Variants in SLCO2A1 observed in about 807,000 individuals in gnomAD.
SLCO2A1 encodes the protein solute carrier organic anion transporter family member 2A1.
A neutral mutation model predicts 71.7 loss-of-function variants in SLCO2A1; 60 were observed. That is an observed-to-expected ratio of 0.84 (90% CI 0.68 to 1.04). The LOEUF (loss-of-function observed/expected upper bound fraction) is 1.04, where lower values mean the gene tolerates loss of function less well. Ranked by LOEUF, SLCO2A1 falls within the 50% of genes least tolerant of loss-of-function variation. The probability of loss-of-function intolerance (pLI) is 0.00; values close to 1 mark genes in which losing one functional copy is unlikely to be tolerated. For synonymous variants in SLCO2A1, 308 were observed against 326.7 expected (o/e 0.94, Z 0.62); for missense variants, 745 against 813.4 (o/e 0.92, Z 1.02).
At chr3:133,953,877 T>C (rs1933815611) in intron 4 of SLCO2A1, 116 bp from the exon 5 acceptor site, 4 of 759,246 alleles carry the variant, frequency 5.3e-6, no homozygotes, top group African/African-American at 1.7e-5. Context: ...CCAAGCCTGA[T>C]AAGCCCACAC....
chr3:133,982,518 T>C (rs1334199497), intron 1 of SLCO2A1, among the ~76,000 whole-genome samples: 2 of 152,172 alleles, frequency 1.3e-5, no homozygotes, highest in African/African-American at 4.8e-5. Flanking sequence ...GGACTCATCA[T>C]CTTCCCCCAT....
intron 1 of SLCO2A1, among the ~76,000 whole-genome samples, chr3:134,008,546 T>C (rs1935269797): frequency 6.6e-6 from 1 of 152,174 alleles, no homozygotes; most frequent in Non-Finnish European, 1.5e-5. Flanking sequence ...CTCTACATCC[T>C]CCCAGGCAGA....
chr3:134,010,757 A>C (rs1380222352), intron 1 of SLCO2A1, among the ~76,000 whole-genome samples: 2 of 150,654 alleles, frequency 1.3e-5, no homozygotes, highest in East Asian at 3.9e-4. Flanking sequence ...TGTCCAAAAA[A>C]AAAAAAAAAA....
At chr3:134,024,534 G>C (rs575190113) in intron 1 of SLCO2A1, among the ~76,000 whole-genome samples, 2 of 152,214 alleles carry the variant, frequency 1.3e-5, no homozygotes, top group Admixed American at 6.5e-5. Flanking sequence ...CTATGTGTCA[G>C]AAAGAGAAAA....
chr3:133,971,111 G>A (rs1341771071), intron 3 of SLCO2A1, among the ~76,000 whole-genome samples: 2 of 152,262 alleles, frequency 1.3e-5, no homozygotes, highest in Admixed American at 6.5e-5. Flanking sequence ...GATGTGTGGC[G>A]CCTGGCAGGA....
chr3:133,953,065 C>T (rs1027642695), intron 5 of SLCO2A1, among the ~76,000 whole-genome samples: 3 of 151,706 alleles, frequency 2.0e-5, no homozygotes, highest in Non-Finnish European at 4.4e-5. Context: ...CAGACAGAGT[C>T]TCACTCTGTC....
intron 1 of SLCO2A1, among the ~76,000 whole-genome samples, chr3:134,025,881 G>C (rs1935692470): frequency 6.6e-6 from 1 of 152,180 alleles, no homozygotes; most frequent in Non-Finnish European, 1.5e-5. Context: ...TCCTAAGCCA[G>C]TGTTTCAAAC....
intron 13 of SLCO2A1, 141 bp downstream of exon 13, chr3:133,935,633 A>G (rs1360785001): frequency 2.1e-6 from 2 of 953,872 alleles, no homozygotes; most frequent in South Asian, 3.1e-5. Flanking sequence ...CTCCCTGTCC[A>G]TGGCAGGGCC....
chr3:133,947,177 C>T, intron 9 of SLCO2A1, 79 bp downstream of exon 9: 1 of 1,222,142 alleles, frequency 8.2e-7, no homozygotes, highest in Non-Finnish European at 1.1e-6. Context: ...GTTAAGGAAG[C>T]AGGAAGGAAG....
rs941512350 is a variant in SLCO2A1, at chr3:133,975,353, A to G, written c.235-1528T>C. Among the ~76,000 whole-genome samples the G allele has an allele frequency of 4.6e-5, 7 of 152,030 alleles. No homozygotes were observed. In the South Asian group the frequency reaches 8.3e-4, roughly 18 times the overall value. On this transcript the variant is annotated intron_variant, in intron 2 of 13. Transcript: ENST00000310926. Reference sequence around the variant, plus strand: ...TTGACTTCTCTCACACTCATATCTAATCGATCAGCAAATCCCCTTGGCAGG... The same window carrying G: ...TTGACTTCTCTCACACTCATATCTAGTCGATCAGCAAATCCCCTTGGCAGG...
intron 3 of SLCO2A1, among the ~76,000 whole-genome samples, chr3:133,971,333 T>C (rs1312013883): frequency 6.6e-6 from 1 of 152,230 alleles, no homozygotes; most frequent in Non-Finnish European, 1.5e-5. Context: ...GGGGAGAAAG[T>C]GTATGGCAGG....
intron 1 of SLCO2A1, among the ~76,000 whole-genome samples, chr3:133,981,366 G>A (rs896284833): frequency 2.6e-4 from 39 of 152,304 alleles, no homozygotes; most frequent in Admixed American, 8.5e-4. Flanking sequence ...GAACAATCTC[G>A]GTTTGTGTGT....
intron 1 of SLCO2A1, among the ~76,000 whole-genome samples, chr3:133,994,958 A>G (rs1004350603): frequency 2.0e-5 from 3 of 152,246 alleles, no homozygotes; most frequent in Non-Finnish European, 4.4e-5. Context: ...CTTCTGATCT[A>G]TTCTTTAACC....
In SLCO2A1 at chr3:133,945,254, TGA is replaced by T; in HGVS notation, c.1300_1301del (p.Ser434LysfsTer143). On this transcript the variant is annotated frameshift_variant, in exon 10 of 14. Transcript: ENST00000310926. LOFTEE classifies it high-confidence loss of function. ...TVAEVYPPST[S>X]SSIHPQSPAC... The stretch of plus-strand genomic sequence containing the variant: ...CAGGAGACTGCGGATGTATAGAACT[TGA>T]TGTGCTGCCAGCAAAAGAGGAAACG... 1 of 1,602,850 alleles carries T rather than the reference TGA, an allele frequency of 6.2e-7. No individual in the cohort carries two copies. The highest frequency in any genetic ancestry group is 8.5e-7 in the Non-Finnish European group (1 of 1,176,610).
chr3:134,017,276 C>T (rs1935474239), intron 1 of SLCO2A1, among the ~76,000 whole-genome samples: 1 of 152,194 alleles, frequency 6.6e-6, no homozygotes, highest in African/African-American at 2.4e-5. Context: ...TACACAGGAC[C>T]TGTAAGCACT....
intron 3 of SLCO2A1, among the ~76,000 whole-genome samples, chr3:133,956,480 C>A (rs1933901492): frequency 6.6e-6 from 1 of 152,242 alleles, no homozygotes; most frequent in Admixed American, 6.5e-5. Flanking sequence ...GTCAGGGAAG[C>A]CTGTCCCAGG....
At chr3:134,012,239 G>T (rs984160375) in intron 1 of SLCO2A1, among the ~76,000 whole-genome samples, 2 of 152,170 alleles carry the variant, frequency 1.3e-5, no homozygotes, top group Non-Finnish European at 2.9e-5. Context: ...CAGTTAGAGG[G>T]GCTTCTGGGA....
chr3:133,959,334 A>G (rs1326194847), intron 3 of SLCO2A1, among the ~76,000 whole-genome samples: 3 of 150,532 alleles, frequency 2.0e-5, no homozygotes, highest in East Asian at 1.9e-4. Flanking sequence ...CAACCGTAAT[A>G]TTGCTTTATC....
At chr3:134,007,680 C>A (rs1203586053) in intron 1 of SLCO2A1, among the ~76,000 whole-genome samples, 1 of 152,158 alleles carries the variant, frequency 6.6e-6, no homozygotes, top group Non-Finnish European at 1.5e-5. Context: ...TTCACCAAGG[C>A]ACCTAGCTTT....
Sources: allele counts gnomAD v4.1 joint callset (sites outside exome capture counted in the v4.1 genomes callset), GRCh38; gene constraint gnomAD v4.1.1; transcripts MANE v1.5; gene names NCBI Gene and HGNC (gene_info 2026-07-23, HGNC 2026-07-21).